Variants in CCDC91 observed in about 807,000 individuals in gnomAD.
The protein encoded by CCDC91 is coiled-coil domain-containing protein 91.
A neutral mutation model predicts 63.2 loss-of-function variants in CCDC91; 48 were observed. That is an observed-to-expected ratio of 0.76 (90% CI 0.60 to 0.97). The LOEUF is 0.97. Among genes scored for constraint, CCDC91 ranks in the 50% least tolerant of loss-of-function variants. The pLI, the probability that CCDC91 is intolerant of heterozygous loss-of-function variation, is 0.00. For synonymous variants in CCDC91, 167 were observed against 165.8 expected (o/e 1.01, Z -0.06); for missense variants, 500 against 494.6 (o/e 1.01, Z -0.10).
At chr12:28,342,923 G>A (rs1205769360) in intron 6 of CCDC91, among the ~76,000 whole-genome samples, 3 of 152,146 alleles carry the variant, frequency 2.0e-5, no homozygotes, top group Non-Finnish European at 4.4e-5. Flanking sequence ...TTTGTAGACA[G>A]ACAGAATCAC....
intron 6 of CCDC91, among the ~76,000 whole-genome samples, chr12:28,308,363 G>A (rs1592266611): frequency 6.6e-6 from 1 of 151,984 alleles, no homozygotes; most frequent in East Asian, 1.9e-4. Context: ...GATTACTAAA[G>A]TATATTCTAA....
At chr12:28,327,315 C>T (rs1297981642) in intron 6 of CCDC91, among the ~76,000 whole-genome samples, 2 of 152,072 alleles carry the variant, frequency 1.3e-5, no homozygotes, top group Non-Finnish European at 2.9e-5. Context: ...GCAGCTGTGC[C>T]AATAGGAAAA....
In CCDC91 at chr12:28,411,237, G is replaced by GA. The variant is rs201232869; in HGVS notation, c.762+19836dup. On this transcript the variant is annotated intron_variant, in intron 8 of 12. Coordinates refer to ENST00000536442, the MANE Select transcript of CCDC91 (RefSeq NM_018318.5). ...ACAGATTTTTTAAGGTTTTCTTTTT[G>GA]AAAAAAAAAAGTATGTTTTAAAATT... is the stretch of plus-strand genomic sequence containing the variant. Among the ~76,000 whole-genome samples the GA allele has an allele frequency of 1.3e-3, 192 of 146,656 alleles. 1 individual carries two copies. The highest frequency in any genetic ancestry group is 7.0e-3 in the Middle Eastern group (2 of 286).
intron 1 of CCDC91, among the ~76,000 whole-genome samples, chr12:28,200,769 T>C (rs558027275): frequency 8.0e-5 from 12 of 149,582 alleles, no homozygotes; most frequent in Admixed American, 1.3e-4. Context: ...CATCATGGCC[T>C]GTTCTCAATG....
intron 12 of CCDC91, among the ~76,000 whole-genome samples, chr12:28,544,870 G>T (rs1179279621): frequency 6.6e-6 from 1 of 151,766 alleles, no homozygotes; most frequent in Admixed American, 6.6e-5. Context: ...CTCATGAAAG[G>T]GTAAATCTAA....
intron 3 of CCDC91, chr12:28,268,748 G>C: frequency 1.2e-6 from 1 of 825,740 alleles, no homozygotes; most frequent in African/African-American, 1.8e-5. Flanking sequence ...GGAGGAGGGA[G>C]TAGATTTTAC....
chr12:28,499,356 T>TTC (rs199913073), intron 12 of CCDC91, among the ~76,000 whole-genome samples: 1 of 94,248 alleles, frequency 1.1e-5, no homozygotes, highest in Non-Finnish European at 3.1e-5. Flanking sequence ...CACCTCACTT[T>TTC]TATTATTATT....
At chr12:28,213,082 A>G (rs1167593938) in intron 1 of CCDC91, among the ~76,000 whole-genome samples, 1 of 152,182 alleles carries the variant, frequency 6.6e-6, no homozygotes, top group African/African-American at 2.4e-5. Context: ...CTAAATTCTG[A>G]TGAGTCTTCT....
At chr12:28,487,333 C>G (rs775301515) in intron 12 of CCDC91, among the ~76,000 whole-genome samples, 1 of 151,452 alleles carries the variant, frequency 6.6e-6, no homozygotes. Context: ...ATTACTAGAC[C>G]TCTTTATTAT....
intron 8 of CCDC91, among the ~76,000 whole-genome samples, chr12:28,401,045 T>A (rs1323234585): frequency 1.3e-5 from 2 of 152,114 alleles, no homozygotes; most frequent in African/African-American, 4.8e-5. Context: ...ATGGTTCCAA[T>A]CTCTGCCTGT....
intron 6 of CCDC91, among the ~76,000 whole-genome samples, chr12:28,348,034 A>G (rs182557317): frequency 6.6e-6 from 1 of 152,326 alleles, no homozygotes; most frequent in Non-Finnish European, 1.5e-5. Flanking sequence ...CTACTTCTCT[A>G]TCAGACTATT....
At chr12:28,234,191 A>G (rs899585372) in intron 1 of CCDC91, among the ~76,000 whole-genome samples, 3 of 152,184 alleles carry the variant, frequency 2.0e-5, no homozygotes, top group African/African-American at 7.2e-5. Context: ...TGATATGTAC[A>G]TGCTTTATAA....
chr12:28,368,534 A>G (rs1944415939), intron 7 of CCDC91, among the ~76,000 whole-genome samples: 1 of 152,122 alleles, frequency 6.6e-6, no homozygotes, highest in Non-Finnish European at 1.5e-5. Context: ...TCTAGCCTTT[A>G]TTTAATGTGG....
At chr12:28,335,317 T>C (rs1198059670) in intron 6 of CCDC91, among the ~76,000 whole-genome samples, 1 of 134,966 alleles carries the variant, frequency 7.4e-6, no homozygotes, top group East Asian at 2.1e-4. Flanking sequence ...ACATATTATG[T>C]ATAATATAAT....
At chr12:28,325,299 G>A (rs1441411882) in intron 6 of CCDC91, among the ~76,000 whole-genome samples, 1 of 151,990 alleles carries the variant, frequency 6.6e-6, no homozygotes, top group East Asian at 1.9e-4. Flanking sequence ...AGGTCTGAAT[G>A]TACTTTTTCT....
At chr12:28,392,450 T>G (rs1225037550) in intron 8 of CCDC91, among the ~76,000 whole-genome samples, 1 of 152,170 alleles carries the variant, frequency 6.6e-6, no homozygotes. Flanking sequence ...ACGTGGAACA[T>G]TACCTGATAC....
chr12:28,495,297 A>C (rs2141041939), intron 12 of CCDC91, among the ~76,000 whole-genome samples: 1 of 151,850 alleles, frequency 6.6e-6, no homozygotes, highest in Middle Eastern at 3.4e-3. Flanking sequence ...TTTTTGTTGT[A>C]GTAACTCATG....
intron 3 of CCDC91, among the ~76,000 whole-genome samples, chr12:28,291,241 C>T (rs1203143074): frequency 6.6e-6 from 1 of 152,114 alleles, no homozygotes; most frequent in African/African-American, 2.4e-5. Context: ...GAAATGTTTT[C>T]CCTGAAAAAG....
At chr12:28,450,057 T>A in intron 8 of CCDC91, 104 bp from the exon 9 acceptor site, 2 of 638,408 alleles carry the variant, frequency 3.1e-6, no homozygotes, top group East Asian at 5.3e-5. Context: ...TTTCCTTTTG[T>A]AACTACTTCA....
Sources: allele counts gnomAD v4.1 joint callset (sites outside exome capture counted in the v4.1 genomes callset), GRCh38; gene constraint gnomAD v4.1.1; transcripts MANE v1.5; gene names NCBI Gene and HGNC (gene_info 2026-07-23, HGNC 2026-07-21).